WWOX: variants seen among roughly 807,000 people sequenced by gnomAD.
The protein encoded by WWOX is WW domain-containing oxidoreductase.
WWOX carries 69 observed loss-of-function variants against 46.2 expected under a neutral mutation model. The ratio of observed to expected loss-of-function variants is 1.49; its 90% CI spans 1.23 to 1.82. The LOEUF (loss-of-function observed/expected upper bound fraction) is 1.82, where lower values mean the gene tolerates loss of function less well. Among genes scored for constraint, WWOX ranks in the 40% most tolerant of loss-of-function variants. The probability of loss-of-function intolerance (pLI) is 0.00; values close to 1 mark genes in which losing one functional copy is unlikely to be tolerated. For synonymous variants in WWOX, 359 were observed against 202.6 expected, an observed-to-expected ratio of 1.77 and a Z score of -6.56; for missense variants, 919 against 542.6, an observed-to-expected ratio of 1.69 and a Z score of -6.89.
At chr16:78,623,637 G>T (rs2046240934) in intron 8 of WWOX, among the ~76,000 whole-genome samples, 1 of 151,724 alleles carries the variant, frequency 6.6e-6, no homozygotes, top group Non-Finnish European at 1.5e-5. Context: ...TGCGGTGGCA[G>T]CTGGGACATT....
chr16:79,024,057 C>G (rs564137722), intron 8 of WWOX, among the ~76,000 whole-genome samples: 2 of 152,246 alleles, frequency 1.3e-5, no homozygotes, highest in East Asian at 1.9e-4. Context: ...ATAGGCACCT[C>G]CAAAGAGACA....
intron 8 of WWOX, among the ~76,000 whole-genome samples, chr16:78,833,672 T>C (rs1213927566): frequency 2.0e-5 from 3 of 152,242 alleles, no homozygotes; most frequent in East Asian, 1.9e-4. Context: ...AATATCTATA[T>C]GGTGCTTAGA....
At chr16:79,083,982 C>G (rs568611063) in intron 8 of WWOX, among the ~76,000 whole-genome samples, 1 of 152,272 alleles carries the variant, frequency 6.6e-6, no homozygotes, top group African/African-American at 2.4e-5. Context: ...GGAGCCCACC[C>G]TTGTAGTTTC....
At chr16:79,101,322 GTC>G (rs1264124799) in intron 8 of WWOX, 3 of 152,166 alleles carry the variant, frequency 2.0e-5, no homozygotes, top group Non-Finnish European at 2.9e-5. Flanking sequence ...AACTCTGCTG[GTC>G]TCTCTGCTGA....
rs150344041 is a variant in WWOX, at chr16:78,874,300, G to A, written c.1057-337308G>A. Among the ~76,000 whole-genome samples, 13 of 151,988 alleles carry A rather than the reference G, an allele frequency of 8.6e-5. No individual in the cohort carries two copies. The East Asian group carries it at 2.5e-3, about 29-fold the overall frequency. ...TCCATTTGAGCCGCCAGGAAAGGAG[G>A]CCCTGAGTTGGGGAGTTGAATAGAG... is the stretch of plus-strand genomic sequence containing the variant. On this transcript the variant is annotated intron_variant, in intron 8 of 8. Transcript: ENST00000566780.
intron 8 of WWOX, among the ~76,000 whole-genome samples, chr16:78,486,470 C>T (rs1476218867): frequency 6.6e-6 from 1 of 152,180 alleles, no homozygotes; most frequent in Non-Finnish European, 1.5e-5. Context: ...ACAACTAGGT[C>T]TTAAAGTTCC....
intron 8 of WWOX, among the ~76,000 whole-genome samples, chr16:78,728,143 C>A (rs1469500814): frequency 7.1e-6 from 1 of 140,220 alleles, no homozygotes; most frequent in Non-Finnish European, 1.5e-5. Context: ...CAGGTTACTG[C>A]AGCCTTAACC....
chr16:78,337,296 T>C (rs779617557), intron 5 of WWOX, among the ~76,000 whole-genome samples: 2 of 152,054 alleles, frequency 1.3e-5, no homozygotes, highest in Non-Finnish European at 2.9e-5. Context: ...ATAAGTACAG[T>C]TGTAGATTTA....
chr16:79,081,194 TG>T (rs1418873482), intron 8 of WWOX, among the ~76,000 whole-genome samples: 1 of 152,166 alleles, frequency 6.6e-6, no homozygotes, highest in African/African-American at 2.4e-5. Flanking sequence ...GACAAAGTCT[TG>T]ATCTGTTGCC....
chr16:78,109,758 C>G lies in WWOX; in HGVS notation c.173-20C>G, dbSNP rs1406603961. 1.2e-6 allele frequency: 2 copies of G among 1,614,046 alleles called. No homozygotes were observed. Among genetic ancestry groups the G allele is most frequent in the East Asian group, 4.5e-5 (2 of 44,878 alleles). ...TTACTTCTCCCTGGCACCTGTAGAC[C>G]TGTCTTTCTTGTGTTTCAGATTTGC... On this transcript the variant is annotated intron_variant, in intron 2 of 8. Transcript: ENST00000566780.
intron 5 of WWOX, among the ~76,000 whole-genome samples, chr16:78,314,479 C>A (rs1365774587): frequency 1.3e-5 from 2 of 148,332 alleles, no homozygotes; most frequent in African/African-American, 4.9e-5. Flanking sequence ...CAGTACGTTA[C>A]AGCAACCACC....
Position 78,164,214 on chromosome 16 carries a change from T to C in WWOX, c.441T>C (p.His147=). The C allele has an allele frequency of 6.2e-7, 1 of 1,614,138 alleles. No homozygotes were observed. Among genetic ancestry groups the C allele is most frequent in the Admixed American group, 1.7e-5 (1 of 60,010 alleles). Residue 147 remains histidine (H), a synonymous_variant, in exon 5 of 9, where the codon CAT becomes CAC. Coordinates refer to ENST00000566780, the MANE Select transcript of WWOX (RefSeq NM_016373.4). ...GFETAKSFAL[H]GAHVILACRN... is the part of the protein sequence containing the mutation. The stretch of plus-strand genomic sequence containing the variant: ...AAACCGCCAAGTCTTTTGCCCTCCA[T>C]GGTGCACATGTGATCTTGGCCTGCA...
At chr16:78,457,989 A>G (rs547717972) in intron 8 of WWOX, among the ~76,000 whole-genome samples, 32 of 151,166 alleles carry the variant, frequency 2.1e-4, no homozygotes, top group Non-Finnish European at 1.3e-4. Flanking sequence ...AGGCACCAGA[A>G]CTGCCTGAAC....
At chr16:78,468,170 A>G (rs1489579844) in intron 8 of WWOX, among the ~76,000 whole-genome samples, 5 of 150,664 alleles carry the variant, frequency 3.3e-5, no homozygotes, top group Non-Finnish European at 7.4e-5. Context: ...TGCTTTTACT[A>G]TTGTGTGGCT....
chr16:79,050,729 G>A (rs2048150930), intron 8 of WWOX, among the ~76,000 whole-genome samples: 1 of 152,210 alleles, frequency 6.6e-6, no homozygotes. Context: ...GGCTACATAG[G>A]TTGGGGGAAG....
chr16:79,188,701 A>G (rs1459068191), intron 8 of WWOX, among the ~76,000 whole-genome samples: 1 of 152,234 alleles, frequency 6.6e-6, no homozygotes. Context: ...CTCTTAGCAC[A>G]AAGTCCTGAT....
chr16:78,205,456 C>T (rs1470953884), intron 5 of WWOX, among the ~76,000 whole-genome samples: 2 of 152,012 alleles, frequency 1.3e-5, no homozygotes, highest in Admixed American at 1.3e-4. Flanking sequence ...TTCATCTGCC[C>T]ATCTGCCCAC....
chr16:78,108,289 G>T, intron 1 of WWOX, 134 bp from the exon 2 acceptor site: 6 of 870,744 alleles, frequency 6.9e-6, no homozygotes, highest in Non-Finnish European at 1.1e-5. Context: ...TGGGGTCACA[G>T]TCCTCTTTCT....
At chr16:78,722,281 C>A (rs1043519718) in intron 8 of WWOX, among the ~76,000 whole-genome samples, 1 of 152,138 alleles carries the variant, frequency 6.6e-6, no homozygotes, top group African/African-American at 2.4e-5. Context: ...CTGGCGCTTA[C>A]CAGTTTTCTC....
Sources: gnomAD v4.1 joint callset for allele counts (sites outside exome capture counted in the v4.1 genomes callset) on GRCh38, gnomAD v4.1.1 for gene constraint, MANE v1.5 for transcripts, NCBI Gene and HGNC (gene_info 2026-07-23, HGNC 2026-07-21) for gene names.